MICU1: variants seen among roughly 807,000 people sequenced by gnomAD.
MICU1 encodes the protein mitochondrial calcium uptake 1, also known as calcium uptake protein 1, mitochondrial.
A neutral mutation model predicts 56.8 loss-of-function variants in MICU1; 45 were observed. That is an observed-to-expected ratio of 0.79 (90% confidence interval 0.62 to 1.02). The LOEUF (loss-of-function observed/expected upper bound fraction) is 1.02, where lower values mean the gene tolerates loss of function less well. Ranked by LOEUF, MICU1 falls within the 50% of genes least tolerant of loss-of-function variation. The pLI is 0.00. For synonymous variants in MICU1, 186 were observed against 195.1 expected, an observed-to-expected ratio of 0.95 and a Z score of 0.39; for missense variants, 504 against 587.1, an observed-to-expected ratio of 0.86 and a Z score of 1.46.
intron 6 of MICU1, among the ~76,000 whole-genome samples, chr10:72,493,625 G>A (rs1866740949): frequency 6.6e-6 from 1 of 151,910 alleles, no homozygotes; most frequent in Non-Finnish European, 1.5e-5. Flanking sequence ...ACTAATTTGT[G>A]TATTTTTTGT....
chr10:72,393,091 G>A (rs191580409), intron 10 of MICU1, among the ~76,000 whole-genome samples: 17 of 152,354 alleles, frequency 1.1e-4, no homozygotes, highest in Non-Finnish European at 2.2e-4. Flanking sequence ...GGGAAGGGTA[G>A]AAGGGTAGAG....
chr10:72,439,168 C>T (rs1396831638), intron 8 of MICU1, among the ~76,000 whole-genome samples: 1 of 152,100 alleles, frequency 6.6e-6, no homozygotes, highest in African/African-American at 2.4e-5. Context: ...ACTGGCAAAC[C>T]AAATCCAGTA....
intron 8 of MICU1, among the ~76,000 whole-genome samples, chr10:72,424,123 T>TC (rs1564859542): frequency 6.9e-6 from 1 of 144,968 alleles, no homozygotes; most frequent in African/African-American, 2.8e-5. Flanking sequence ...CCCCCCCACC[T>TC]TTTTTTTTAA....
At position 72,471,800 on chromosome 10, in the gene MICU1, G is replaced by C. The variant is rs1330766855; in HGVS notation, c.933+3300C>G. 2.0e-5 allele frequency among the ~76,000 whole-genome samples: 3 copies of C among 152,190 alleles called. No homozygotes were observed. The East Asian group carries it at 5.8e-4, about 29-fold the overall frequency. On this transcript the variant is annotated intron_variant, in intron 8 of 11. Transcript: ENST00000361114. ...ACTAGGAAGGCAAGGCATATGACTTGAACCCTGGTACATACTAACTCTCAC... is the reference window on the plus strand; with the variant it reads ...ACTAGGAAGGCAAGGCATATGACTTCAACCCTGGTACATACTAACTCTCAC...
intron 10 of MICU1, among the ~76,000 whole-genome samples, chr10:72,393,829 G>C (rs1863159152): frequency 6.6e-6 from 1 of 152,152 alleles, no homozygotes. Context: ...GCAGTGGTGT[G>C]ATCTTGGCTC....
chr10:72,610,006 A>G (rs1373281297), intron 1 of MICU1, among the ~76,000 whole-genome samples: 1 of 151,768 alleles, frequency 6.6e-6, no homozygotes, highest in African/African-American at 2.4e-5. Flanking sequence ...CTGCACTCCA[A>G]GCCTGAGCGA....
At chr10:72,400,046 T>C (rs1337264422) in intron 10 of MICU1, among the ~76,000 whole-genome samples, 1 of 152,228 alleles carries the variant, frequency 6.6e-6, no homozygotes, top group Non-Finnish European at 1.5e-5. Flanking sequence ...ATTAAATGTA[T>C]GTATGTATTT....
At chr10:72,517,658 T>C (rs1398809862) in intron 5 of MICU1, among the ~76,000 whole-genome samples, 1 of 152,010 alleles carries the variant, frequency 6.6e-6, no homozygotes, top group Non-Finnish European at 1.5e-5. Context: ...GATAAAAGTC[T>C]ACAAATTGGG....
Position 72,508,143 on chromosome 10 carries a change from G to T in MICU1, c.652+12C>A. The T allele has an allele frequency of 3.5e-6, 5 of 1,409,020 alleles. No individual in the cohort carries two copies. The highest frequency in any genetic ancestry group is 1.6e-5 in the South Asian group (1 of 62,448). The allele number at this position is 1,409,020 out of a possible 1,614,324, so 87.3% of individuals were successfully genotyped here. A position where few individuals can be genotyped will look rare whatever the true frequency, so the allele number is the denominator to read the frequency against. ...TGCTCTACAAATGGAAAAAGAAAAC[G>T]TTTATACTTACTGGAAAGAACAGTT... On this transcript the variant is annotated intron_variant, in intron 6 of 11. Coordinates refer to ENST00000361114, the MANE Select transcript of MICU1 (RefSeq NM_001195518.2).
At chr10:72,369,890 T>C (rs1424451507) in intron 11 of MICU1, among the ~76,000 whole-genome samples, 1 of 150,452 alleles carries the variant, frequency 6.6e-6, no homozygotes, top group Non-Finnish European at 1.5e-5. Flanking sequence ...TGTACATATA[T>C]ATTTTTTTGA....
intron 5 of MICU1, chr10:72,528,700 GA>G: frequency 1.0e-5 from 2 of 195,246 alleles, no homozygotes; most frequent in South Asian, 6.1e-5. Context: ...TTAAAAGACA[GA>G]AAATTTCTTA....
chr10:72,577,840 T>G (rs1176090078), intron 1 of MICU1, among the ~76,000 whole-genome samples: 1 of 152,190 alleles, frequency 6.6e-6, no homozygotes. Flanking sequence ...ATGGATGAAC[T>G]TTGTTCTTCT....
intron 6 of MICU1, among the ~76,000 whole-genome samples, chr10:72,492,440 T>C (rs186253343): frequency 3.3e-5 from 5 of 152,162 alleles, no homozygotes; most frequent in South Asian, 2.1e-4. Context: ...TGCTGACAGA[T>C]TGGAAATACA....
chr10:72,403,728 T>C (rs978623042), intron 10 of MICU1, among the ~76,000 whole-genome samples: 6 of 151,212 alleles, frequency 4.0e-5, no homozygotes, highest in African/African-American at 1.5e-4. Flanking sequence ...CAATCTCGGC[T>C]CACTGCAACC....
At chr10:72,408,484 T>C (rs1043970745) in intron 9 of MICU1, among the ~76,000 whole-genome samples, 5 of 152,146 alleles carry the variant, frequency 3.3e-5, no homozygotes, top group Non-Finnish European at 7.3e-5. Context: ...AATTTTTGTA[T>C]TTTTAGTAGA....
At chr10:72,495,708 G>T (rs1253956779) in intron 6 of MICU1, among the ~76,000 whole-genome samples, 2 of 144,982 alleles carry the variant, frequency 1.4e-5, no homozygotes, top group Non-Finnish European at 3.0e-5. Flanking sequence ...AAAGAAATTA[G>T]ATTTTTGTGA....
intron 1 of MICU1, among the ~76,000 whole-genome samples, chr10:72,601,535 G>A (rs1841534977): frequency 6.6e-6 from 1 of 151,446 alleles, no homozygotes; most frequent in African/African-American, 2.4e-5. Flanking sequence ...CTCTGCATGT[G>A]TAGGAAAAGA....
chr10:72,607,995 G>C (rs1267550198), intron 1 of MICU1, among the ~76,000 whole-genome samples: 1 of 152,158 alleles, frequency 6.6e-6, no homozygotes, highest in African/African-American at 2.4e-5. Context: ...TGCGTGTTAT[G>C]AGTGAGAGTA....
At chr10:72,615,608 A>G (rs1013114675) in intron 1 of MICU1, among the ~76,000 whole-genome samples, 22 of 152,192 alleles carry the variant, frequency 1.4e-4, no homozygotes, top group African/African-American at 5.1e-4. Flanking sequence ...AATCCCATTA[A>G]ATGTATTTTT....
Sources: gnomAD v4.1 joint callset for allele counts (sites outside exome capture counted in the v4.1 genomes callset) on GRCh38, gnomAD v4.1.1 for gene constraint, MANE v1.5 for transcripts, NCBI Gene and HGNC (gene_info 2026-07-23, HGNC 2026-07-21) for gene names.